The following TENM2 variants were observed in gnomAD, a reference collection of about 807,000 sequenced individuals.
TENM2 encodes teneurin transmembrane protein 2.
TENM2 carries 52 observed loss-of-function variants against 245.2 expected under a neutral mutation model. The ratio of observed to expected loss-of-function variants is 0.21; its 90% CI spans 0.17 to 0.27. TENM2 has a LOEUF of 0.27. Among genes scored for constraint, TENM2 ranks in the 10% least tolerant of loss-of-function variants. The probability of loss-of-function intolerance (pLI) is 1.00; values close to 1 mark genes in which losing one functional copy is unlikely to be tolerated. For missense variants in TENM2, 3,046 were observed against 3,666.8 expected, an observed-to-expected ratio of 0.83 and a Z score of 4.37; for synonymous variants, 1,363 against 1,438.9, an observed-to-expected ratio of 0.95 and a Z score of 1.19.
At chr5:167,381,726 A>T (rs1266812811) in intron 2 of TENM2, among the ~76,000 whole-genome samples, 1 of 152,116 alleles carries the variant, frequency 6.6e-6, no homozygotes, top group Non-Finnish European at 1.5e-5. Flanking sequence ...TGAGTTATCA[A>T]CCCTGACCTA....
At chr5:167,138,743 C>T in the TENM2 span, among the ~76,000 whole-genome samples, 1 of 152,180 alleles carries the variant, frequency 6.6e-6, no homozygotes, top group Non-Finnish European at 1.5e-5. Flanking sequence ...TTGCCTCAGC[C>T]TCCCAAGTAG....
intron 3 of TENM2, among the ~76,000 whole-genome samples, chr5:167,910,189 C>G (rs892233406): frequency 6.6e-6 from 1 of 152,054 alleles, no homozygotes; most frequent in Admixed American, 6.6e-5. Flanking sequence ...ATTCTTGCAC[C>G]CAGGGCAGAC....
chr5:167,337,110 G>A (rs374832985), intron 1 of TENM2, among the ~76,000 whole-genome samples: 6 of 119,436 alleles, frequency 5.0e-5, no homozygotes, highest in African/African-American at 1.9e-4. Context: ...GGCGACAGAG[G>A]GAGACTCCGT....
chr5:168,221,620 A>C (rs1440033722), intron 23 of TENM2, among the ~76,000 whole-genome samples: 2 of 152,196 alleles, frequency 1.3e-5, no homozygotes, highest in Admixed American at 1.3e-4. Context: ...AAAAAATAAC[A>C]CTATCGAATC....
the TENM2 span, among the ~76,000 whole-genome samples, chr5:167,104,355 C>T: frequency 6.6e-6 from 1 of 152,162 alleles, no homozygotes; most frequent in Admixed American, 6.5e-5. Flanking sequence ...CTTGTTTTCT[C>T]GAAGCGCTGT....
intron 13 of TENM2, among the ~76,000 whole-genome samples, chr5:168,163,231 C>T (rs1051899313): frequency 6.6e-6 from 1 of 152,220 alleles, no homozygotes. Flanking sequence ...GATAATCCAA[C>T]CACCATTAGT....
At position 168,110,002 on chromosome 5, in the gene TENM2, C is replaced by A. The variant is rs546624046; in HGVS notation, c.1814-8290C>A. ...CGCGGGGCTTCAGTCCGTCAGCCCT[C>A]CCCCAAGTTAAATTGCTTCTGAGAT... On this transcript the variant is annotated intron_variant, in intron 9 of 28. Coordinates refer to ENST00000518659, the Ensembl canonical transcript of TENM2. Among the ~76,000 whole-genome samples, 6 of 151,904 alleles carry A rather than the reference C, an allele frequency of 3.9e-5. No individual in the cohort carries two copies. The South Asian group carries it at 1.0e-3, about 26-fold the overall frequency.
rs866758818 is a variant in TENM2, at chr5:168,117,885, A to T, written c.1814-407A>T. Among the ~76,000 whole-genome samples, 6 of 152,186 alleles carry T rather than the reference A, an allele frequency of 3.9e-5. No individual in the cohort carries two copies. In the South Asian group the frequency reaches 1.0e-3, roughly 26 times the overall value. On this transcript the variant is annotated intron_variant, in intron 9 of 28. Transcript: ENST00000518659. ...TCAGTGTCGCTTAGTGAAGGGTACC[A>T]CTTCAAAGTTGGGCCAACCTGGTTC...
chr5:167,864,713 A>G (rs1430075389), intron 2 of TENM2, among the ~76,000 whole-genome samples: 1 of 152,212 alleles, frequency 6.6e-6, no homozygotes, highest in Non-Finnish European at 1.5e-5. Context: ...TCTTCTTCCC[A>G]ACGAACTTAT....
chr5:167,576,454 T>A (rs918357554), intron 2 of TENM2, among the ~76,000 whole-genome samples: 1 of 152,168 alleles, frequency 6.6e-6, no homozygotes, highest in Admixed American at 6.5e-5. Context: ...TGAATTATAT[T>A]GAATCATTAC....
At chr5:167,262,184 C>T in the TENM2 span, among the ~76,000 whole-genome samples, 5 of 152,056 alleles carry the variant, frequency 3.3e-5, no homozygotes, top group Non-Finnish European at 7.4e-5. Flanking sequence ...CATGGAGAAA[C>T]CTCGTCTCTA....
At chr5:167,256,513 T>C in the TENM2 span, among the ~76,000 whole-genome samples, 2 of 152,206 alleles carry the variant, frequency 1.3e-5, no homozygotes, top group Admixed American at 6.6e-5. Context: ...AGGTAAAAGA[T>C]ATTTATAGCA....
At chr5:167,612,815 G>A (rs1002588731) in intron 2 of TENM2, among the ~76,000 whole-genome samples, 1 of 152,074 alleles carries the variant, frequency 6.6e-6, no homozygotes, top group African/African-American at 2.4e-5. Flanking sequence ...AAATGTGGCA[G>A]CATTCAACTC....
At chr5:167,256,546 T>G in the TENM2 span, among the ~76,000 whole-genome samples, 1 of 152,182 alleles carries the variant, frequency 6.6e-6, no homozygotes, top group Non-Finnish European at 1.5e-5. Flanking sequence ...ACTAAAACTA[T>G]GTTATTAACC....
chr5:167,545,867 A>T (rs539953546), intron 2 of TENM2, among the ~76,000 whole-genome samples: 30 of 152,376 alleles, frequency 2.0e-4, no homozygotes, highest in Non-Finnish European at 3.7e-4. Flanking sequence ...CAGACTTGAC[A>T]GGCCATACAT....
intron 1 of TENM2, among the ~76,000 whole-genome samples, chr5:167,346,056 C>G (rs1403677091): frequency 6.6e-6 from 1 of 152,064 alleles, no homozygotes; most frequent in African/African-American, 2.4e-5. Context: ...ACAACATGGC[C>G]TAATCATGAA....
chr5:167,112,530 T>C, the TENM2 span, among the ~76,000 whole-genome samples: 1 of 152,320 alleles, frequency 6.6e-6, no homozygotes, highest in African/African-American at 2.4e-5. Flanking sequence ...GACGATAACC[T>C]GTATCAAATG....
intron 2 of TENM2, among the ~76,000 whole-genome samples, chr5:167,680,445 A>G (rs1283701854): frequency 6.6e-6 from 1 of 152,144 alleles, no homozygotes; most frequent in Non-Finnish European, 1.5e-5. Context: ...AAGGCTAGAA[A>G]TGAAGTGGGG....
chr5:167,423,411 C>T (rs1763627095), intron 2 of TENM2, among the ~76,000 whole-genome samples: 1 of 152,114 alleles, frequency 6.6e-6, no homozygotes, highest in African/African-American at 2.4e-5. Context: ...GGATAAAATG[C>T]ATGGCTAGAT....
Sources: gnomAD v4.1 joint callset for allele counts (sites outside exome capture counted in the v4.1 genomes callset) on GRCh38, gnomAD v4.1.1 for gene constraint, MANE v1.5 for transcripts, NCBI Gene and HGNC (gene_info 2026-07-23, HGNC 2026-07-21) for gene names.